EPHA6: variants seen among roughly 807,000 people sequenced by gnomAD.
EPHA6 encodes ephrin type-A receptor 6.
A neutral mutation model predicts 112.0 loss-of-function variants in EPHA6; 50 were observed. The ratio of observed to expected loss-of-function variants is 0.45; its 90% CI spans 0.36 to 0.56. EPHA6 has a LOEUF of 0.56. EPHA6 is among the 20% of genes least tolerant of loss of function. EPHA6 has a pLI of 0.00. For missense variants in EPHA6, 1,280 were observed against 1,417.4 expected (o/e 0.90, Z 1.56); for synonymous variants, 529 against 490.7 (o/e 1.08, Z -1.03).
chr3:97,429,680 G>C (rs746468200), intron 6 of EPHA6, among the ~76,000 whole-genome samples: 1 of 152,018 alleles, frequency 6.6e-6, no homozygotes, highest in Non-Finnish European at 1.5e-5. Flanking sequence ...TCCTTTCTTG[G>C]ATGTACAAAT....
At chr3:96,911,804 C>A (rs1221136607) in intron 2 of EPHA6, among the ~76,000 whole-genome samples, 5 of 151,980 alleles carry the variant, frequency 3.3e-5, no homozygotes, top group Non-Finnish European at 7.4e-5. Flanking sequence ...AAAGATAGTA[C>A]ATTTTTAAAA....
chr3:97,492,122 ATTATGAATTCAT>A (rs1047950339), intron 10 of EPHA6, among the ~76,000 whole-genome samples: 5 of 151,978 alleles, frequency 3.3e-5, no homozygotes, highest in African/African-American at 1.2e-4. Context: ...TGAATAACAG[ATTATGAATTCAT>A]TTGCTATTTT....
At chr3:97,310,753 C>T (rs2081521038) in intron 5 of EPHA6, among the ~76,000 whole-genome samples, 1 of 151,592 alleles carries the variant, frequency 6.6e-6, no homozygotes, top group Non-Finnish European at 1.5e-5. Context: ...AAATTATTGG[C>T]ATCTAAAGTG....
At chr3:97,422,137 C>CAAA (rs34312259) in intron 6 of EPHA6, among the ~76,000 whole-genome samples, 30 of 103,380 alleles carry the variant, frequency 2.9e-4, no homozygotes, top group East Asian at 6.8e-4. Flanking sequence ...AATAGTCTCT[C>CAAA]AAAAAAAAAA....
intron 3 of EPHA6, among the ~76,000 whole-genome samples, chr3:97,150,335 G>A (rs748931388): frequency 7.9e-5 from 12 of 151,946 alleles, no homozygotes; most frequent in South Asian, 2.1e-4. Context: ...TTTTGAAGAC[G>A]TTTGTATAGC....
chr3:96,834,371 T>C (rs2034274260), intron 1 of EPHA6, among the ~76,000 whole-genome samples: 1 of 151,974 alleles, frequency 6.6e-6, no homozygotes, highest in African/African-American at 2.4e-5. Context: ...TAACCTAGGT[T>C]TTCCTGTTAA....
chr3:97,560,031 A>G (rs1433994903), intron 11 of EPHA6, among the ~76,000 whole-genome samples: 1 of 151,830 alleles, frequency 6.6e-6, no homozygotes, highest in Non-Finnish European at 1.5e-5. Flanking sequence ...TTGCCATTAA[A>G]AAGAAAAAAA....
intron 10 of EPHA6, among the ~76,000 whole-genome samples, chr3:97,499,866 G>C (rs1462536878): frequency 5.3e-5 from 8 of 152,084 alleles, no homozygotes; most frequent in Non-Finnish European, 7.4e-5. Flanking sequence ...GTACACTACT[G>C]TATGTAAACT....
chr3:97,276,002 T>G (rs960042787), intron 5 of EPHA6, among the ~76,000 whole-genome samples: 2 of 151,982 alleles, frequency 1.3e-5, no homozygotes, highest in African/African-American at 2.4e-5. Context: ...GTGCATAAAA[T>G]AATGTTGTCC....
chr3:97,487,348 C>A (rs1350885116), intron 10 of EPHA6, among the ~76,000 whole-genome samples: 2 of 152,130 alleles, frequency 1.3e-5, no homozygotes, highest in South Asian at 4.1e-4. Context: ...GTAAAACAGC[C>A]ACATTAACAT....
At chr3:96,873,424 C>T (rs1411573254) in intron 2 of EPHA6, among the ~76,000 whole-genome samples, 1 of 152,074 alleles carries the variant, frequency 6.6e-6, no homozygotes, top group Non-Finnish European at 1.5e-5. Context: ...TACTTATTTG[C>T]TGGACCAGGC....
rs533208839 is a variant in EPHA6 at position 97,302,844 on chromosome 3, A to G, written c.1606+58557A>G. Among the ~76,000 whole-genome samples the G allele has an allele frequency of 1.1e-3, 174 of 152,064 alleles. 1 individual carries two copies. Among genetic ancestry groups the G allele is most frequent in the Non-Finnish European group, 2.1e-3 (144 of 67,876 alleles). ...AATATTTCTCATTTTGGTATAAATTATACTATGCAGTTAGAAAAATTAAGC... is the reference window on the plus strand; with the variant it reads ...AATATTTCTCATTTTGGTATAAATTGTACTATGCAGTTAGAAAAATTAAGC... On this transcript the variant is annotated intron_variant, in intron 5 of 17. Transcript: ENST00000389672.
intron 16 of EPHA6, among the ~76,000 whole-genome samples, chr3:97,738,209 G>A (rs971795397): frequency 2.0e-5 from 3 of 151,868 alleles, no homozygotes; most frequent in Non-Finnish European, 2.9e-5. Context: ...AGTAGTTAGA[G>A]GAAATGTTTC....
chr3:97,229,176 C>A (rs2078448928), intron 4 of EPHA6, among the ~76,000 whole-genome samples: 1 of 152,110 alleles, frequency 6.6e-6, no homozygotes, highest in African/African-American at 2.4e-5. Flanking sequence ...TGTCCATTAA[C>A]TCTGCTGATT....
At chr3:97,348,180 C>T (rs2083628585) in intron 5 of EPHA6, among the ~76,000 whole-genome samples, 3 of 151,946 alleles carry the variant, frequency 2.0e-5, no homozygotes, top group Admixed American at 2.0e-4. Context: ...AATGTAATGC[C>T]ATAGGCTAAG....
At chr3:96,836,813 A>G (rs528190325) in intron 1 of EPHA6, among the ~76,000 whole-genome samples, 27 of 150,194 alleles carry the variant, frequency 1.8e-4, no homozygotes, top group African/African-American at 5.0e-4. Flanking sequence ...GCCAACACAC[A>G]TAGTCTTGTC....
At chr3:97,647,300 T>C (rs1046770335) in intron 14 of EPHA6, among the ~76,000 whole-genome samples, 2 of 152,038 alleles carry the variant, frequency 1.3e-5, no homozygotes, top group Non-Finnish European at 2.9e-5. Context: ...AGGCATATAG[T>C]AAAACTCATA....
At chr3:97,272,096 C>T (rs919183217) in intron 5 of EPHA6, among the ~76,000 whole-genome samples, 5 of 152,146 alleles carry the variant, frequency 3.3e-5, no homozygotes, top group Non-Finnish European at 7.3e-5. Flanking sequence ...TCTGTCCCTC[C>T]ACTCCTGGTA....
At chr3:97,285,089 C>G (rs1309038424) in intron 5 of EPHA6, among the ~76,000 whole-genome samples, 1 of 152,006 alleles carries the variant, frequency 6.6e-6, no homozygotes, top group Non-Finnish European at 1.5e-5. Context: ...AGGCATTGAT[C>G]CAGACACACA....
Sources: allele counts gnomAD v4.1 joint callset (sites outside exome capture counted in the v4.1 genomes callset), GRCh38; gene constraint gnomAD v4.1.1; transcripts MANE v1.5; gene names NCBI Gene and HGNC (gene_info 2026-07-23, HGNC 2026-07-21).